Variants in RPS29 observed in about 807,000 individuals in gnomAD.
RPS29 encodes the protein ribosomal protein S29, also known as small ribosomal subunit protein uS14.
For synonymous variants in RPS29, 37 were observed against 26.9 expected, an observed-to-expected ratio of 1.37 and a Z score of -1.16; for missense variants, 60 against 75.7, an observed-to-expected ratio of 0.79 and a Z score of 0.77.
At chr14:49,586,852 T>G (rs1419883776), upstream of RPS29, 2 of 164,552 alleles carry the variant, frequency 1.2e-5, no homozygotes, top group Non-Finnish European at 2.7e-5. Flanking sequence ...CACTCCAGCC[T>G]GGGCAACATA....
chr14:49,580,383 T>C (rs1163876078), downstream of RPS29, among the ~76,000 whole-genome samples: 2 of 152,162 alleles, frequency 1.3e-5, no homozygotes, highest in African/African-American at 2.4e-5. Flanking sequence ...CCCACCTCCT[T>C]ACCCAGACTG....
At chr14:49,590,016 T>C (rs914476868), upstream of RPS29, among the ~76,000 whole-genome samples, 2 of 152,070 alleles carry the variant, frequency 1.3e-5, no homozygotes, top group Middle Eastern at 3.4e-3. Context: ...AAGAAAGTAA[T>C]AGACAGCAGG....
rs539639849 is a variant in RPS29 at position 49,595,961 on chromosome 14, C to T, written c.-133+2439G>A. On this transcript the variant is annotated intron_variant, in intron 1 of 3. Coordinates refer to the RPS29 transcript ENST00000556230. ...CGGGGAGGCTGAGGTTGCAGTGAGGCGAGATCGTGCCACTGCACTCCAGCC... is the reference window on the plus strand; with the variant it reads ...CGGGGAGGCTGAGGTTGCAGTGAGGTGAGATCGTGCCACTGCACTCCAGCC... 1.5e-4 allele frequency among the ~76,000 whole-genome samples: 20 copies of T among 131,912 alleles called. No homozygotes were observed. In the South Asian group the frequency reaches 4.6e-3, roughly 30 times the overall value. The allele number at this position is 131,912 out of a possible 152,430, so 86.5% of individuals were successfully genotyped here.
chr14:49,582,061 T>C (rs1239691396), downstream of RPS29, among the ~76,000 whole-genome samples: 1 of 147,908 alleles, frequency 6.8e-6, no homozygotes, highest in Non-Finnish European at 1.5e-5. Context: ...ACCACTCCCA[T>C]CTATCCTAAT....
chr14:49,586,646 A>G, upstream of RPS29: 1 of 425,152 alleles, frequency 2.4e-6, no homozygotes, highest in Non-Finnish European at 4.4e-6. Context: ...GGATCGCTTG[A>G]GTCCAGGAGT....
upstream of RPS29, among the ~76,000 whole-genome samples, chr14:49,589,095 C>G (rs1176264895): frequency 6.6e-6 from 1 of 151,792 alleles, no homozygotes; most frequent in Non-Finnish European, 1.5e-5. Flanking sequence ...GGGTTTCACC[C>G]TGTTAGCCAG....
chr14:49,577,808 G>C, exon 3 of RPS29: 1 of 1,601,922 alleles, frequency 6.2e-7, no homozygotes, highest in Non-Finnish European at 8.5e-7. Context: ...GGAGGAGATG[G>C]GTGTCACCTC....
intron 2 of RPS29, chr14:49,585,596 A>AAAG (rs1881513182): frequency 2.6e-6 from 1 of 378,490 alleles, no homozygotes; most frequent in Non-Finnish European, 4.7e-6. Flanking sequence ...AAAAAAAAAA[A>AAAG]AGAGAATAGG....
At chr14:49,579,288 C>G (rs867906876), downstream of RPS29, among the ~76,000 whole-genome samples, 10 of 152,202 alleles carry the variant, frequency 6.6e-5, no homozygotes, top group African/African-American at 2.4e-4. Flanking sequence ...CTACCAGCAC[C>G]TTGATCTCAG....
chr14:49,576,114 T>C (rs1203189597), exon 3 of RPS29: 1 of 120,268 alleles, frequency 8.3e-6, no homozygotes, highest in African/African-American at 3.1e-5. Flanking sequence ...AAACAGCTAA[T>C]AGTGCAGCCT....
intron 1 of RPS29, among the ~76,000 whole-genome samples, chr14:49,593,953 G>C (rs1881768633): frequency 2.0e-5 from 3 of 152,160 alleles, no homozygotes; most frequent in African/African-American, 7.2e-5. Context: ...CAGCATCTGA[G>C]ACTTGAGTTC....
At chr14:49,578,474 G>A (rs1029810178) in intron 2 of RPS29, among the ~76,000 whole-genome samples, 2 of 149,108 alleles carry the variant, frequency 1.3e-5, no homozygotes, top group Admixed American at 6.7e-5. Flanking sequence ...TAATAAAATT[G>A]TAGCACATAT....
At chr14:49,593,639 G>A (rs1881760490) in intron 1 of RPS29, among the ~76,000 whole-genome samples, 2 of 130,556 alleles carry the variant, frequency 1.5e-5, no homozygotes, top group African/African-American at 2.9e-5. Context: ...GTTGCAATGA[G>A]CCGAGATCAC....
At chr14:49,586,561 T>G (rs553171949), upstream of RPS29, 74 of 575,436 alleles carry the variant, frequency 1.3e-4, 1 homozygote, top group South Asian at 1.3e-3. Context: ...CTAGTGCTAT[T>G]CTGCGCCGGT....
downstream of RPS29, among the ~76,000 whole-genome samples, chr14:49,582,478 C>T (rs1198967809): frequency 6.6e-6 from 1 of 152,226 alleles, no homozygotes; most frequent in Non-Finnish European, 1.5e-5. Flanking sequence ...CTGACCTCAA[C>T]ATCTAGCACA....
chr14:49,586,422 T>C, upstream of RPS29: 1 of 1,315,006 alleles, frequency 7.6e-7, no homozygotes, highest in East Asian at 2.3e-5. Flanking sequence ...TTGAGACAGT[T>C]TACCCAGAAT....
upstream of RPS29, chr14:49,586,434 C>A: frequency 8.2e-7 from 1 of 1,212,748 alleles, no homozygotes; most frequent in Non-Finnish European, 1.2e-6. Context: ...ACCCAGAATG[C>A]AGTGCTCAAA....
chr14:49,586,314 C>T lies in RPS29; in HGVS notation c.33G>A (p.Pro11=). 1 of 1,613,948 alleles carries T rather than the reference C, an allele frequency of 6.2e-7. No homozygotes were observed. Among genetic ancestry groups the T allele is most frequent in the East Asian group, 2.2e-5 (1 of 44,890 alleles). ...AGCGAGAACCCTGGCCGAATTTTCG[C>T]GGGTGGCTCCAGTACAGCTGCTGGT... MGHQQLYWSH[P]RKFGQGSRSC... is the part of the protein sequence containing the mutation. Residue 11 remains proline (P), a synonymous_variant, in exon 1 of 3, where the codon CCG becomes CCA. Coordinates refer to ENST00000245458, the MANE Select transcript of RPS29 (RefSeq NM_001032.5).
At chr14:49,577,764 T>G in exon 3 of RPS29, 1 of 1,472,596 alleles carries the variant, frequency 6.8e-7, no homozygotes. Context: ...TTGATGATCT[T>G]GGGCTTCGCG....
Sources: gnomAD v4.1 joint callset for allele counts (sites outside exome capture counted in the v4.1 genomes callset) on GRCh38, gnomAD v4.1.1 for gene constraint, MANE v1.5 for transcripts, NCBI Gene and HGNC (gene_info 2026-07-23, HGNC 2026-07-21) for gene names.